PRKAG2: variants seen among roughly 807,000 people sequenced by gnomAD.
PRKAG2 encodes 5'-AMP-activated protein kinase subunit gamma-2.
Under a neutral mutation model 69.6 loss-of-function variants are expected in PRKAG2, and 26 were observed. The observed-to-expected ratio is 0.37, with a 90% CI of 0.27 to 0.52. The LOEUF is 0.52. Ranked by LOEUF, PRKAG2 falls within the 20% of genes least tolerant of loss-of-function variation. PRKAG2 has a pLI of 0.90. For missense variants in PRKAG2, 557 were observed against 740.0 expected, an observed-to-expected ratio of 0.75 and a Z score of 2.87; for synonymous variants, 293 against 285.0, an observed-to-expected ratio of 1.03 and a Z score of -0.28.
intron 3 of PRKAG2, among the ~76,000 whole-genome samples, chr7:151,720,448 G>A (rs183424459): frequency 6.6e-6 from 1 of 151,940 alleles, no homozygotes; most frequent in East Asian, 1.9e-4. Flanking sequence ...CTCTGTGGGT[G>A]TAACACAGAC....
chr7:151,688,501 C>T (rs1045585053), intron 3 of PRKAG2, among the ~76,000 whole-genome samples: 3 of 152,120 alleles, frequency 2.0e-5, no homozygotes, highest in East Asian at 1.9e-4. Flanking sequence ...GGCTGCGAGG[C>T]CCTGGAAGCA....
At position 151,758,568 on chromosome 7, in the gene PRKAG2, C is replaced by T. The variant is rs1420890915; in HGVS notation, c.466+22584G>A. Among the ~76,000 whole-genome samples the T allele has an allele frequency of 2.6e-5, 4 of 152,152 alleles. 1 individual carries two copies. The highest frequency in any genetic ancestry group is 5.9e-5 in the Non-Finnish European group (4 of 68,028). ...GGAGCCCACAGAAAGGAAAACAGAG[C>T]AGGGAGATCCAAGGTCCCCAGAGAC... On this transcript the variant is annotated intron_variant, in intron 3 of 15. Coordinates refer to ENST00000287878, the MANE Select transcript of PRKAG2 (RefSeq NM_016203.4).
chr7:151,566,580 A>G (rs540368886), intron 11 of PRKAG2: 1 of 450,044 alleles, frequency 2.2e-6, no homozygotes, highest in Non-Finnish European at 4.5e-6. Flanking sequence ...CACCTTTTAT[A>G]AAGGGTATAG....
intron 3 of PRKAG2, among the ~76,000 whole-genome samples, chr7:151,689,792 C>A (rs1835373104): frequency 6.6e-6 from 1 of 152,142 alleles, no homozygotes. Flanking sequence ...GTGTCAGGTG[C>A]CAGTGAGACG....
chr7:151,644,895 T>A (rs984200950), intron 4 of PRKAG2, among the ~76,000 whole-genome samples: 1 of 152,212 alleles, frequency 6.6e-6, no homozygotes, highest in Non-Finnish European at 1.5e-5. Flanking sequence ...GGTGTATAGG[T>A]TTCTTGCTGT....
intron 1 of PRKAG2, among the ~76,000 whole-genome samples, chr7:151,834,682 G>A (rs1489659041): frequency 6.6e-6 from 1 of 152,236 alleles, no homozygotes; most frequent in Non-Finnish European, 1.5e-5. Context: ...ATCTGATGAG[G>A]TGCAGAGAGG....
At chr7:151,618,384 C>T (rs1303311447) in intron 5 of PRKAG2, among the ~76,000 whole-genome samples, 2 of 151,400 alleles carry the variant, frequency 1.3e-5, no homozygotes, top group Non-Finnish European at 2.9e-5. Flanking sequence ...ACCGAGGAGG[C>T]GGAGGCTGCA....
intron 3 of PRKAG2, among the ~76,000 whole-genome samples, chr7:151,737,712 T>C (rs1026702303): frequency 6.6e-6 from 1 of 152,288 alleles, no homozygotes; most frequent in East Asian, 1.9e-4. Flanking sequence ...TTCTCTCACC[T>C]CTTTCATTTA....
intron 1 of PRKAG2, among the ~76,000 whole-genome samples, chr7:151,800,040 GC>G (rs1326489711): frequency 6.6e-6 from 1 of 151,986 alleles, no homozygotes; most frequent in Non-Finnish European, 1.5e-5. Context: ...CTAGATTTCT[GC>G]CTAACCAGCT....
intron 4 of PRKAG2, among the ~76,000 whole-genome samples, chr7:151,643,657 T>C (rs1242049930): frequency 6.6e-6 from 1 of 152,200 alleles, no homozygotes; most frequent in Non-Finnish European, 1.5e-5. Context: ...TGGTCTTCAT[T>C]TACTATCCAC....
Position 151,780,892 on chromosome 7 carries a change from C to G in PRKAG2, c.466+260G>C, listed in dbSNP as rs142162763. On this transcript the variant is annotated intron_variant, in intron 3 of 15. Transcript: ENST00000287878. This position sits in a 1 kb window ranked among gnomAD's most constrained non-coding sequence, Gnocchi z 4.2. ...TGTACTGTGAGTATCAGGATGTTTA[C>G]AGTTAACCCAAGGACCTTGCTGGAC... 2.1e-3 allele frequency among the ~76,000 whole-genome samples: 325 copies of G among 152,266 alleles called. No individual in the cohort carries two copies. The highest frequency in any genetic ancestry group is 4.6e-3 in the Admixed American group (70 of 15,298).
intron 1 of PRKAG2, among the ~76,000 whole-genome samples, chr7:151,844,220 T>C (rs1586708309): frequency 1.3e-5 from 2 of 152,198 alleles, no homozygotes; most frequent in East Asian, 3.8e-4. Flanking sequence ...GGTCACTCAC[T>C]ACTACAGACC....
At chr7:151,852,005 C>T (rs1348087715) in intron 1 of PRKAG2, among the ~76,000 whole-genome samples, 3 of 152,072 alleles carry the variant, frequency 2.0e-5, no homozygotes, top group South Asian at 2.1e-4. Flanking sequence ...GGCAAGCTCT[C>T]GCCTGTCCCG....
chr7:151,603,603 A>C (rs370894734), intron 5 of PRKAG2, among the ~76,000 whole-genome samples: 3,535 of 107,012 alleles, frequency 0.033, 50 homozygotes, highest in East Asian at 0.061. Context: ...ACGGAGGGAC[A>C]CGCTCCGTCC....
chr7:151,556,803 G>A lies in PRKAG2; in HGVS notation c.*398C>T, dbSNP rs1232386894. 2.0e-5 allele frequency: 4 copies of A among 198,158 alleles called. No individual in the cohort carries two copies. The East Asian group carries it at 4.1e-4, about 20-fold the overall frequency. The allele number at this position is 198,158 out of a possible 1,614,324, so 12.3% of individuals were successfully genotyped here. A position where few individuals can be genotyped will look rare whatever the true frequency, so the allele number is the denominator to read the frequency against. ...GCTCGGTGTTGTTTCACACGCGTGC[G>A]CCCCGGCTGCGGCGGTGACATATTG... On this transcript the variant is annotated 3_prime_UTR_variant, in exon 16 of 16. Transcript: ENST00000287878.
rs146584919 is a variant in PRKAG2, at chr7:151,598,209, A to C, written c.755-2755T>G. 1.4e-3 allele frequency among the ~76,000 whole-genome samples: 220 copies of C among 152,334 alleles called. 2 individuals carry two copies. Among genetic ancestry groups the C allele is most frequent in the African/African-American group, 5.2e-3 (216 of 41,586 alleles). ...GTTACATGAAATAAGCCAGGCGTGG[A>C]AAGACAAATACCATCCCATTCATCT... On this transcript the variant is annotated intron_variant, in intron 5 of 15. Coordinates refer to ENST00000287878, the MANE Select transcript of PRKAG2 (RefSeq NM_016203.4).
intron 3 of PRKAG2, among the ~76,000 whole-genome samples, chr7:151,683,086 G>A (rs1483625115): frequency 6.6e-6 from 1 of 152,258 alleles, no homozygotes; most frequent in Non-Finnish European, 1.5e-5. Context: ...CAATGCCTTT[G>A]ATTCTCCCAG....
At chr7:151,860,188 C>A (rs1334319072) in intron 1 of PRKAG2, among the ~76,000 whole-genome samples, 5 of 152,236 alleles carry the variant, frequency 3.3e-5, no homozygotes, top group Admixed American at 3.3e-4. Flanking sequence ...TGCCCAGCCA[C>A]TGCCCCTTCT....
intron 5 of PRKAG2, among the ~76,000 whole-genome samples, chr7:151,626,396 G>A (rs749510930): frequency 7.9e-5 from 12 of 152,152 alleles, no homozygotes; most frequent in Middle Eastern, 3.2e-3. Flanking sequence ...TACATATGGC[G>A]CCAGCTCCAG....
Sources: allele counts gnomAD v4.1 joint callset (sites outside exome capture counted in the v4.1 genomes callset), GRCh38; gene constraint gnomAD v4.1.1; non-coding constraint Gnocchi (gnomAD v3.1); transcripts MANE v1.5; gene names NCBI Gene and HGNC (gene_info 2026-07-23, HGNC 2026-07-21).